TRHDE: variants seen among roughly 807,000 people sequenced by gnomAD.
The protein encoded by TRHDE is thyrotropin releasing hormone degrading enzyme.
In TRHDE, 72 loss-of-function variants were observed where a neutral mutation model predicts 125.7. The ratio of observed to expected loss-of-function variants is 0.57; its 90% confidence interval spans 0.47 to 0.70. The LOEUF is 0.70. TRHDE is among the 30% of genes least tolerant of loss of function. TRHDE has a pLI of 0.00. For synonymous variants in TRHDE, 509 were observed against 509.1 expected, an observed-to-expected ratio of 1.00 and a Z score of 0.00; for missense variants, 1,110 against 1,327.1, an observed-to-expected ratio of 0.84 and a Z score of 2.54.
chr12:72,588,557 T>C (rs1592556543), intron 12 of TRHDE, among the ~76,000 whole-genome samples: 1 of 152,092 alleles, frequency 6.6e-6, no homozygotes, highest in Non-Finnish European at 1.5e-5. Context: ...GTAAAGCATA[T>C]GGGAGGGTTT....
At chr12:72,633,137 T>A (rs545183437) in intron 15 of TRHDE, among the ~76,000 whole-genome samples, 2 of 152,106 alleles carry the variant, frequency 1.3e-5, no homozygotes, top group African/African-American at 4.8e-5. Flanking sequence ...CAAGTGAGTG[T>A]CCCTTTCAAA....
In TRHDE at chr12:72,636,917, T is replaced by C. The variant is rs569022170; in HGVS notation, c.2675+15166T>C. Among the ~76,000 whole-genome samples, 280 of 152,268 alleles carry C rather than the reference T, an allele frequency of 1.8e-3. 1 individual carries two copies. The highest frequency in any genetic ancestry group is 5.8e-3 in the African/African-American group (240 of 41,570). ...TGGATTCGTTTTGCCAGTATTTTAT[T>C]GAGGATTTTTGCATCAATGTTCATC... is the stretch of plus-strand genomic sequence containing the variant. On this transcript the variant is annotated intron_variant, in intron 15 of 18. Coordinates refer to ENST00000261180, the MANE Select transcript of TRHDE (RefSeq NM_013381.3).
At chr12:72,205,197 A>T (rs1031921282) in intron 2 of TRHDE, among the ~76,000 whole-genome samples, 5 of 152,114 alleles carry the variant, frequency 3.3e-5, no homozygotes, top group African/African-American at 1.2e-4. Context: ...ATGCTTTTTC[A>T]TGCCCTTTGG....
intron 3 of TRHDE, among the ~76,000 whole-genome samples, chr12:72,459,646 A>C (rs949386738): frequency 2.0e-5 from 3 of 152,076 alleles, no homozygotes; most frequent in Non-Finnish European, 2.9e-5. Flanking sequence ...TTTTAGAGAC[A>C]GGGTCTCACT....
intron 2 of TRHDE, among the ~76,000 whole-genome samples, chr12:72,287,348 A>G (rs1227051680): frequency 1.3e-5 from 2 of 152,202 alleles, no homozygotes; most frequent in Non-Finnish European, 2.9e-5. Flanking sequence ...TGAGTAATAT[A>G]GTAAACTCCA....
chr12:72,421,838 A>G (rs1172553065), intron 3 of TRHDE, among the ~76,000 whole-genome samples: 1 of 152,192 alleles, frequency 6.6e-6, no homozygotes, highest in Non-Finnish European at 1.5e-5. Flanking sequence ...AGAAGCGTTC[A>G]GTTGTGAGTT....
chr12:72,568,051 C>T (rs904789760), intron 9 of TRHDE, among the ~76,000 whole-genome samples: 2 of 151,940 alleles, frequency 1.3e-5, no homozygotes. Context: ...GGGAATCTGA[C>T]TAGTTTTTTT....
Position 72,140,235 on chromosome 12 carries a change from C to G in TRHDE, n.279+34483C>G, listed in dbSNP as rs377560405. On this transcript the variant is annotated intron_variant and non_coding_transcript_variant, in intron 2 of 4. Transcript: ENST00000548156. ...TACATACAGTCTATTCTCTCTGAAGCCTTCATCTGCATAACAACAACCTTG... is the reference window on the plus strand; with the variant it reads ...TACATACAGTCTATTCTCTCTGAAGGCTTCATCTGCATAACAACAACCTTG... 4.6e-5 allele frequency: 7 copies of G among 152,276 alleles called. No individual in the cohort carries two copies. The East Asian group carries it at 5.8e-4, about 13-fold the overall frequency. 9.4% of individuals were successfully genotyped at this position (152,276 alleles called of 1,614,324 possible). A position where few individuals can be genotyped will look rare whatever the true frequency, so the allele number is the denominator to read the frequency against.
At position 72,495,086 on chromosome 12, in the gene TRHDE, T is replaced by TTTA. The variant is rs757707157; in HGVS notation, c.1585-4412_1585-4411insTTA. 5.9e-3 allele frequency among the ~76,000 whole-genome samples: 744 copies of TTTA among 126,622 alleles called. 36 individuals are homozygous for TTTA. The highest frequency in any genetic ancestry group is 0.012 in the Admixed American group (135 of 11,236). The allele number at this position is 126,622 out of a possible 152,430, so 83.1% of individuals were successfully genotyped here. On this transcript the variant is annotated intron_variant, in intron 5 of 18. Transcript: ENST00000261180. The stretch of plus-strand genomic sequence containing the variant: ...TTTTTTTTTTTTTTTTTTTTTTTTT[T>TTTA]AAGTTTCATCATGTCTAAAAGCTAT...
At chr12:72,596,218 T>A (rs1478198131) in intron 12 of TRHDE, among the ~76,000 whole-genome samples, 1 of 152,156 alleles carries the variant, frequency 6.6e-6, no homozygotes, top group Non-Finnish European at 1.5e-5. Flanking sequence ...TTATATTAAC[T>A]TTAGTAGTTT....
rs567189288 is a variant in TRHDE at position 72,291,559 on chromosome 12, G to A, written c.1188+4605G>A. Among the ~76,000 whole-genome samples the A allele has an allele frequency of 2.0e-4, 30 of 152,332 alleles. No individual in the cohort carries two copies. In the South Asian group the frequency reaches 6.2e-3, roughly 32 times the overall value. ...AAGTACAGCCAGCACATATCCATGAGTTCTACATCCATGGATTCAGCCAGT... is the reference window on the plus strand; with the variant it reads ...AAGTACAGCCAGCACATATCCATGAATTCTACATCCATGGATTCAGCCAGT... On this transcript the variant is annotated intron_variant, in intron 2 of 18. Coordinates refer to ENST00000261180, the MANE Select transcript of TRHDE (RefSeq NM_013381.3).
intron 2 of TRHDE, among the ~76,000 whole-genome samples, chr12:72,250,881 CTTTA>C (rs768095231): frequency 8.2e-5 from 8 of 96,970 alleles, no homozygotes; most frequent in Non-Finnish European, 1.6e-4. Context: ...TTATTGCATA[CTTTA>C]TTTAGAGCAT....
chr12:72,567,495 T>G (rs1181942351), intron 9 of TRHDE, among the ~76,000 whole-genome samples: 1 of 151,922 alleles, frequency 6.6e-6, no homozygotes, highest in African/African-American at 2.4e-5. Context: ...AATAATAAAA[T>G]AGTCAAATTT....
intron 2 of TRHDE, among the ~76,000 whole-genome samples, chr12:72,351,058 C>T (rs78317783): frequency 0.013 from 1,914 of 151,990 alleles, 43 homozygotes; most frequent in African/African-American, 0.043. Flanking sequence ...GTTCAACACA[C>T]GGGAGAGCTG....
chr12:72,542,372 T>G lies in TRHDE; in HGVS notation c.1788+16T>G. The G allele has an allele frequency of 2.5e-6, 4 of 1,588,102 alleles. No homozygotes were observed. The highest frequency in any genetic ancestry group is 3.4e-6 in the Non-Finnish European group (4 of 1,163,286). ...GGGTTTGCAAGTAAGTAAAATGCTT[T>G]TTATTTTCTTTTACATTTTTCCTTG... is the stretch of plus-strand genomic sequence containing the variant. On this transcript the variant is annotated intron_variant, in intron 7 of 18. Coordinates refer to ENST00000261180, the MANE Select transcript of TRHDE (RefSeq NM_013381.3).
chr12:72,454,639 G>T (rs1875748987), intron 3 of TRHDE, among the ~76,000 whole-genome samples: 3 of 152,198 alleles, frequency 2.0e-5, no homozygotes. Flanking sequence ...AAACTCAGGG[G>T]AAAGGACCCC....
intron 12 of TRHDE, among the ~76,000 whole-genome samples, chr12:72,597,192 C>T (rs538980044): frequency 2.0e-5 from 3 of 152,236 alleles, no homozygotes; most frequent in Non-Finnish European, 4.4e-5. Flanking sequence ...ACTGCTATGC[C>T]GGAACTCACT....
rs145405599 is a variant in TRHDE at position 72,283,245 on chromosome 12, T to C, written c.915-3436T>C. 3.2e-3 allele frequency among the ~76,000 whole-genome samples: 486 copies of C among 152,308 alleles called. 1 individual carries two copies. The highest frequency in any genetic ancestry group is 0.014 in the Middle Eastern group (4 of 294). ...GAACTTGTAGTAAAAAGCTATTTAG[T>C]GGTAGTGTAATTTAACATCTTTAAA... On this transcript the variant is annotated intron_variant, in intron 1 of 18. Coordinates refer to ENST00000261180, the MANE Select transcript of TRHDE (RefSeq NM_013381.3).
intron 15 of TRHDE, among the ~76,000 whole-genome samples, chr12:72,637,621 G>GA (rs1873822846): frequency 6.6e-6 from 1 of 151,944 alleles, no homozygotes; most frequent in Non-Finnish European, 1.5e-5. Flanking sequence ...GATCTTTCCT[G>GA]CTTTCTCTTG....
Sources: allele counts gnomAD v4.1 joint callset (sites outside exome capture counted in the v4.1 genomes callset), GRCh38; gene constraint gnomAD v4.1.1; transcripts MANE v1.5; gene names NCBI Gene and HGNC (gene_info 2026-07-23, HGNC 2026-07-21).